Variants in MYH13 observed in about 807,000 individuals in gnomAD.
MYH13 encodes myosin heavy chain 13.
Under a neutral mutation model 232.1 loss-of-function variants are expected in MYH13, and 177 were observed. The observed-to-expected ratio is 0.76, with a 90% confidence interval of 0.67 to 0.86. MYH13 has a LOEUF of 0.86. Among genes scored for constraint, MYH13 ranks in the 40% least tolerant of loss-of-function variants. The probability of loss-of-function intolerance (pLI) is 0.00; values close to 1 mark genes in which losing one functional copy is unlikely to be tolerated. For missense variants in MYH13, 2,246 were observed against 2,405.9 expected (o/e 0.93, Z 1.39); for synonymous variants, 884 against 923.5 (o/e 0.96, Z 0.78).
In MYH13 at chr17:10,330,525, T is replaced by G. The variant is rs1297992011; in HGVS notation, c.2299-2A>C. The G allele has an allele frequency of 5.6e-6, 9 of 1,604,792 alleles. No homozygotes were observed. The highest frequency in any genetic ancestry group is 7.6e-6 in the Non-Finnish European group (9 of 1,176,474). On this transcript the variant is annotated splice_acceptor_variant, in intron 20 of 40. Transcript: ENST00000252172. LOFTEE classifies it high-confidence loss of function. Reference sequence around the variant, plus strand: ...CAGGAGCCCAGCTTTGAAAAACACCTGCATTAAAAGACAGAGGAGCCTTGA... The same window carrying G: ...CAGGAGCCCAGCTTTGAAAAACACCGGCATTAAAAGACAGAGGAGCCTTGA...
At chr17:10,355,287 C>T (rs1009290947) in intron 8 of MYH13, 140 bp from the exon 9 acceptor site, 1 of 935,132 alleles carries the variant, frequency 1.1e-6, no homozygotes, top group Non-Finnish European at 1.6e-6. Flanking sequence ...TTTGGTGAAC[C>T]TTCTGGATTT....
chr17:10,357,645 A>C, intron 8 of MYH13, 90 bp downstream of exon 8: 1 of 1,173,616 alleles, frequency 8.5e-7, no homozygotes, highest in South Asian at 1.4e-5. Context: ...GCCCCCATAT[A>C]TTCCAGTTTA....
At chr17:10,364,582 T>G in intron 2 of MYH13, 40 bp from the exon 3 acceptor site, 1 of 1,519,510 alleles carries the variant, frequency 6.6e-7, no homozygotes, top group Non-Finnish European at 9.0e-7. Flanking sequence ...TGTGCTTGGG[T>G]GACTGCTGAA....
Position 10,333,202 on chromosome 17 carries a change from A to T in MYH13, c.2057-11T>A. 3 of 1,527,630 alleles carry T rather than the reference A, an allele frequency of 2.0e-6. No homozygotes were observed. Among genetic ancestry groups the T allele is most frequent in the Non-Finnish European group, 2.7e-6 (3 of 1,125,338 alleles). The allele number at this position is 1,527,630 out of a possible 1,614,324, so 94.6% of individuals were successfully genotyped here. On this transcript the variant is annotated splice_polypyrimidine_tract_variant and intron_variant, in intron 18 of 40. Coordinates refer to ENST00000252172, the MANE Select transcript of MYH13 (RefSeq NM_003802.3). ...AGTGGTCCATCACACCTGGAGAGAGAACGTCCCGGGGGTGTGCCTGTGACC... is the reference window on the plus strand; with the variant it reads ...AGTGGTCCATCACACCTGGAGAGAGTACGTCCCGGGGGTGTGCCTGTGACC...
chr17:10,364,200 A>G, intron 3 of MYH13, 127 bp downstream of exon 3: 1 of 990,710 alleles, frequency 1.0e-6, no homozygotes, highest in Non-Finnish European at 1.5e-6. Flanking sequence ...ACTTCACCGC[A>G]GAACAGATAA....
At chr17:10,340,070 A>G in intron 18 of MYH13, 80 bp downstream of exon 18, 1 of 1,246,114 alleles carries the variant, frequency 8.0e-7, no homozygotes, top group South Asian at 1.3e-5. Flanking sequence ...CTCTTTCCAA[A>G]CGCACACCCA....
At position 10,324,119 on chromosome 17, in the gene MYH13, T is replaced by C. The variant is rs748400364; in HGVS notation, c.2837A>G (p.Asn946Ser). ...GAGAGAGGAGCATTTATCTTCCAGATTCCTCTTCTTGGCAACCAATTCAGA... is the reference window on the plus strand; with the variant it reads ...GAGAGAGGAGCATTTATCTTCCAGACTCCTCTTCTTGGCAACCAATTCAGA... ...MNSELVAKKR[N>S]LEDKCSSLKR... is the part of the protein sequence containing the mutation. The change falls in exon 23 of 41, where the codon AAT (asparagine) becomes AGT (serine). Residue 946 changes from asparagine to serine, a missense_variant. Asn to Ser is a conservative substitution (Grantham distance 46, BLOSUM62 1). Coordinates refer to ENST00000252172, the MANE Select transcript of MYH13 (RefSeq NM_003802.3). The C allele has an allele frequency of 6.2e-7, 1 of 1,613,966 alleles. No individual in the cohort carries two copies. The highest frequency in any genetic ancestry group is 1.7e-5 in the Admixed American group (1 of 60,020).
At chr17:10,371,733 T>C (rs921319987) in intron 1 of MYH13, among the ~76,000 whole-genome samples, 2 of 152,152 alleles carry the variant, frequency 1.3e-5, no homozygotes, top group African/African-American at 4.8e-5. Flanking sequence ...AGGGGAATGC[T>C]CCAGATTGCA....
At chr17:10,318,527 T>C (rs1663423212) in intron 27 of MYH13, among the ~76,000 whole-genome samples, 2 of 152,218 alleles carry the variant, frequency 1.3e-5, no homozygotes, top group Admixed American at 1.3e-4. Flanking sequence ...ACTTTGATCT[T>C]GGACTTCCCA....
chr17:10,330,321 C>G, intron 21 of MYH13, 66 bp downstream of exon 21: 1 of 1,586,282 alleles, frequency 6.3e-7, no homozygotes, highest in Non-Finnish European at 8.6e-7. Flanking sequence ...AGACTAAAAG[C>G]AGGAAGTGAC....
chr17:10,302,942 A>G (rs12938275), intron 39 of MYH13, among the ~76,000 whole-genome samples: 2 of 151,862 alleles, frequency 1.3e-5, no homozygotes, highest in Admixed American at 1.3e-4. Context: ...CAAGTGAGTC[A>G]CGGTGGGCAG....
chr17:10,365,843 GTGTGTGT>G (rs1266417774), intron 2 of MYH13, among the ~76,000 whole-genome samples: 1 of 10,288 alleles, frequency 9.7e-5, no homozygotes, highest in Non-Finnish European at 1.8e-4. Flanking sequence ...GCTGCATGGT[GTGTGTGT>G]GTGTGTGTGT....
Position 10,359,995 on chromosome 17 carries a change from C to T in MYH13, c.610G>A (p.Asp204Asn). The change falls in exon 7 of 41, where the codon GAC (aspartate) becomes AAC (asparagine). Residue 204 changes from aspartate (D) to asparagine (N), a missense_variant. By Grantham distance (23) the Asp-to-Asn change is conservative. Transcript: ENST00000252172. ...QYFATIAVTG[D>N]KKKETQPGKM... ...CCTGGCTGTGTCTCCTTCTTCTTGT[C>T]CCCGGTAACTGCAATTGTTGCAAAA... 4.3e-6 allele frequency: 7 copies of T among 1,614,040 alleles called. No individual in the cohort carries two copies. In the South Asian group the frequency reaches 4.4e-5, roughly 10 times the overall value.
At position 10,306,911 on chromosome 17, in the gene MYH13, A is replaced by G. The variant is rs1257391684; in HGVS notation, c.5295+28T>C. ...CCCCACTTTCTCAGTTCCAAACCCC[A>G]TCTCTGAAAAGGAAGAACAGAGCTC... On this transcript the variant is annotated intron_variant, in intron 36 of 40. Coordinates refer to ENST00000252172, the MANE Select transcript of MYH13 (RefSeq NM_003802.3). This position sits in a 1 kb window ranked among gnomAD's most constrained non-coding sequence, Gnocchi z 4.3. 9 of 1,612,026 alleles carry G rather than the reference A, an allele frequency of 5.6e-6. No individual in the cohort carries two copies. Among genetic ancestry groups the G allele is most frequent in the Non-Finnish European group, 6.8e-6 (8 of 1,179,854 alleles).
intron 39 of MYH13, 24 bp from the exon 40 acceptor site, chr17:10,301,727 T>G (rs372475422): frequency 1.2e-6 from 2 of 1,611,628 alleles, no homozygotes; most frequent in Non-Finnish European, 1.7e-6. Flanking sequence ...AGAGGGGGTA[T>G]GACGCTGTAG....
chr17:10,332,064 G>C, intron 20 of MYH13, 35 bp downstream of exon 20: 1 of 1,611,840 alleles, frequency 6.2e-7, no homozygotes, highest in Non-Finnish European at 8.5e-7. Flanking sequence ...GGGCTGTGGG[G>C]TTACTAGGGG....
Position 10,345,390 on chromosome 17 carries a change from C to T in MYH13, c.1414-18G>A. 1 of 1,614,114 alleles carries T rather than the reference C, an allele frequency of 6.2e-7. No homozygotes were observed. Among genetic ancestry groups the T allele is most frequent in the Non-Finnish European group, 8.5e-7 (1 of 1,180,034 alleles). On this transcript the variant is annotated intron_variant, in intron 14 of 40. Transcript: ENST00000252172. ...CTGTTGAACTGGGTGATTCAAATAC[C>T]AAAGAATTTGAGTGAGCTTGGAAAA...
At chr17:10,351,220 C>CAAAAAAAAATAAAAAAAAAA in intron 11 of MYH13, among the ~76,000 whole-genome samples, 1 of 72,728 alleles carries the variant, frequency 1.4e-5, no homozygotes, top group South Asian at 5.1e-4. Flanking sequence ...GACTCCATCT[C>CAAAAAAAAATAAAAAAAAAA]AAAAAAAAAA....
chr17:10,301,556 T>C lies in MYH13; in HGVS notation c.5802+13A>G, dbSNP rs1906091327. The C allele has an allele frequency of 6.2e-7, 1 of 1,614,048 alleles. No individual in the cohort carries two copies. Among genetic ancestry groups the C allele is most frequent in the South Asian group, 1.1e-5 (1 of 91,068 alleles). Reference sequence around the variant, plus strand: ...TCTTAGCTGGCCCCTATATCTCAGGTACCTGCTCTTACCTGGCTGCCCACG... The same window carrying C: ...TCTTAGCTGGCCCCTATATCTCAGGCACCTGCTCTTACCTGGCTGCCCACG... On this transcript the variant is annotated intron_variant, in intron 40 of 40. Coordinates refer to ENST00000252172, the MANE Select transcript of MYH13 (RefSeq NM_003802.3).
Sources: allele counts gnomAD v4.1 joint callset (sites outside exome capture counted in the v4.1 genomes callset), GRCh38; gene constraint gnomAD v4.1.1; non-coding constraint Gnocchi (gnomAD v3.1); transcripts MANE v1.5; gene names NCBI Gene and HGNC (gene_info 2026-07-23, HGNC 2026-07-21).